Variants in SKIC2 observed in about 807,000 individuals in gnomAD.
The protein encoded by SKIC2 is superkiller complex protein 2.
chr6:31,962,698 G>T, the SKIC2 span: 1 of 1,611,202 alleles, frequency 6.2e-7, no homozygotes, highest in Non-Finnish European at 8.5e-7. This position sits in a 1 kb window ranked among gnomAD's most constrained non-coding sequence, Gnocchi z 5.0. Context: ...GTCAATCCTT[G>T]GCCTCTTCTC....
At chr6:31,963,040 T>C in the SKIC2 span, 4 of 1,612,848 alleles carry the variant, frequency 2.5e-6, no homozygotes, top group Non-Finnish European at 3.4e-6. The surrounding 1 kb of genome is among the most constrained non-coding windows in gnomAD (Gnocchi z 5.3). Flanking sequence ...GTTTCTATCA[T>C]CCTTCTGAGT....
chr6:31,967,152 G>T, the SKIC2 span: 6 of 1,608,762 alleles, frequency 3.7e-6, no homozygotes, highest in Non-Finnish European at 3.4e-6. This position sits in a 1 kb window ranked among gnomAD's most constrained non-coding sequence, Gnocchi z 4.9. Flanking sequence ...GTGAGCAAGT[G>T]TGAGTGCTGA....
the SKIC2 span, chr6:31,963,933 C>T: frequency 6.2e-7 from 1 of 1,611,348 alleles, no homozygotes; most frequent in Non-Finnish European, 8.5e-7. This position sits in a 1 kb window ranked among gnomAD's most constrained non-coding sequence, Gnocchi z 5.3. Context: ...TGTACCTGTC[C>T]CTCCTGGCCT....
chr6:31,968,074 AAAAT>A, the SKIC2 span: 1 of 1,612,984 alleles, frequency 6.2e-7, no homozygotes, highest in Non-Finnish European at 8.5e-7. The surrounding 1 kb of genome is among the most constrained non-coding windows in gnomAD (Gnocchi z 6.1). Flanking sequence ...GGCAGCAGCC[AAAAT>A]TCAAGTCAGA....
chr6:31,963,331 T>C, the SKIC2 span: 9 of 1,323,188 alleles, frequency 6.8e-6, no homozygotes, highest in Non-Finnish European at 8.2e-6. This position sits in a 1 kb window ranked among gnomAD's most constrained non-coding sequence, Gnocchi z 5.3. Context: ...CTGGGTAAAG[T>C]TGGAGGGGTA....
At chr6:31,969,400 T>C in the SKIC2 span, 33 of 1,614,042 alleles carry the variant, frequency 2.0e-5, no homozygotes, top group Non-Finnish European at 2.7e-5. This position sits in a 1 kb window ranked among gnomAD's most constrained non-coding sequence, Gnocchi z 6.1. Context: ...TGAGGTTGTA[T>C]ATGAGTGGGC....
At chr6:31,962,754 G>A in the SKIC2 span, 5 of 1,612,890 alleles carry the variant, frequency 3.1e-6, no homozygotes, top group Non-Finnish European at 4.2e-6. The surrounding 1 kb of genome is among the most constrained non-coding windows in gnomAD (Gnocchi z 5.0). Context: ...TCGGGACCTG[G>A]AGTGGGTCAT....
At chr6:31,968,635 G>T in the SKIC2 span, 1 of 1,561,466 alleles carries the variant, frequency 6.4e-7, no homozygotes, top group East Asian at 2.2e-5. The surrounding 1 kb of genome is among the most constrained non-coding windows in gnomAD (Gnocchi z 6.1). Flanking sequence ...CTTGTCCTCA[G>T]TGCACCCCTG....
the SKIC2 span, chr6:31,960,345 G>A: frequency 3.1e-6 from 5 of 1,610,208 alleles, no homozygotes; most frequent in African/African-American, 6.7e-5. Context: ...GAGGTAGGAG[G>A]TCAGGGGTCA....
At chr6:31,969,500 C>A in the SKIC2 span, 1 of 1,612,882 alleles carries the variant, frequency 6.2e-7, no homozygotes, top group Non-Finnish European at 8.5e-7. This position sits in a 1 kb window ranked among gnomAD's most constrained non-coding sequence, Gnocchi z 6.1. Context: ...AGTCCTCACC[C>A]TACTTTCCCC....
At chr6:31,967,242 T>C in the SKIC2 span, 1 of 1,609,920 alleles carries the variant, frequency 6.2e-7, no homozygotes, top group South Asian at 1.1e-5. This position sits in a 1 kb window ranked among gnomAD's most constrained non-coding sequence, Gnocchi z 4.9. Context: ...GTCCCTGTGA[T>C]GCCTCCTCCC....
At chr6:31,962,410 G>T in the SKIC2 span, 4 of 1,613,498 alleles carry the variant, frequency 2.5e-6, no homozygotes, top group Non-Finnish European at 2.5e-6. The surrounding 1 kb of genome is among the most constrained non-coding windows in gnomAD (Gnocchi z 5.0). Context: ...TCTGCGGAGG[G>T]ACTGGCTAAC....
At chr6:31,963,469 T>C in the SKIC2 span, 2 of 1,612,012 alleles carry the variant, frequency 1.2e-6, no homozygotes, top group East Asian at 2.2e-5. This position sits in a 1 kb window ranked among gnomAD's most constrained non-coding sequence, Gnocchi z 5.3. Flanking sequence ...CCCGTGCCCC[T>C]GGAGCACTAT....
chr6:31,960,658 C>T, the SKIC2 span: 1 of 1,591,336 alleles, frequency 6.3e-7, no homozygotes, highest in Non-Finnish European at 8.6e-7. Flanking sequence ...TGTCCTGTCT[C>T]TTCCCAGGGG....
chr6:31,965,257 A>G, the SKIC2 span, among the ~76,000 whole-genome samples: 1 of 152,214 alleles, frequency 6.6e-6, no homozygotes, highest in Non-Finnish European at 1.5e-5. The surrounding 1 kb of genome is among the most constrained non-coding windows in gnomAD (Gnocchi z 5.6). Flanking sequence ...TTGTGGTGGC[A>G]TGGTGTTGGT....
the SKIC2 span, chr6:31,963,998 G>A: frequency 1.2e-5 from 20 of 1,612,268 alleles, no homozygotes; most frequent in East Asian, 2.2e-5. This position sits in a 1 kb window ranked among gnomAD's most constrained non-coding sequence, Gnocchi z 5.3. Context: ...TCCCGGGGCC[G>A]CTGTGATGAG....
At chr6:31,960,627 C>G in the SKIC2 span, 1 of 1,583,428 alleles carries the variant, frequency 6.3e-7, no homozygotes, top group African/African-American at 1.4e-5. Flanking sequence ...TCGTATTACC[C>G]TCATCCCATG....
chr6:31,962,805 G>T, the SKIC2 span: 1 of 1,602,390 alleles, frequency 6.2e-7, no homozygotes, highest in Non-Finnish European at 8.5e-7. The surrounding 1 kb of genome is among the most constrained non-coding windows in gnomAD (Gnocchi z 5.0). Flanking sequence ...CGAGGTAAGG[G>T]CCATGGGCTC....
the SKIC2 span, chr6:31,964,348 T>C: frequency 3.7e-6 from 6 of 1,609,164 alleles, no homozygotes; most frequent in Non-Finnish European, 4.2e-6. This position sits in a 1 kb window ranked among gnomAD's most constrained non-coding sequence, Gnocchi z 5.0. Context: ...TCAAGGTGCA[T>C]GTGGTGGTGG....
Sources: gnomAD v4.1 joint callset for allele counts (sites outside exome capture counted in the v4.1 genomes callset) on GRCh38, gnomAD v4.1.1 for gene constraint, Gnocchi (gnomAD v3.1) non-coding constraint, MANE v1.5 for transcripts, NCBI Gene and HGNC (gene_info 2026-07-23, HGNC 2026-07-21) for gene names.